Variants in CLCC1 observed in about 807,000 individuals in gnomAD.
CLCC1 encodes chloride channel CLIC-like protein 1.
In CLCC1, 39 loss-of-function variants were observed where a neutral mutation model predicts 63.3. The observed-to-expected ratio is 0.62, with a 90% CI of 0.48 to 0.81. The LOEUF is 0.81. CLCC1 is among the 30% of genes least tolerant of loss of function. CLCC1 has a pLI of 0.00. For missense variants in CLCC1, 549 were observed against 669.4 expected, an observed-to-expected ratio of 0.82 and a Z score of 1.98; for synonymous variants, 217 against 239.8, an observed-to-expected ratio of 0.90 and a Z score of 0.88.
chr1:108,950,578 G>A, intron 2 of CLCC1, 130 bp from the exon 3 acceptor site: 1 of 418,062 alleles, frequency 2.4e-6, no homozygotes. Flanking sequence ...CTGGAGTACA[G>A]TGATACAATC....
In CLCC1 at chr1:108,934,664, G is replaced by A. The variant is rs777791639; in HGVS notation, c.*6C>T. 9.9e-6 allele frequency: 16 copies of A among 1,610,302 alleles called. No homozygotes were observed. The highest frequency in any genetic ancestry group is 1.3e-5 in the Non-Finnish European group (15 of 1,177,974). On this transcript the variant is annotated 3_prime_UTR_variant, in exon 12 of 13. Coordinates refer to ENST00000369969, the MANE Select transcript of CLCC1 (RefSeq NM_001377458.1). ...ACTTGAGGCTGTCGTTTGTGCTGGTGTTCCTCTAGCCACAGGGGCTGCTGA... is the reference window on the plus strand; with the variant it reads ...ACTTGAGGCTGTCGTTTGTGCTGGTATTCCTCTAGCCACAGGGGCTGCTGA...
chr1:108,943,295 G>A (rs1486759003), intron 7 of CLCC1, among the ~76,000 whole-genome samples, 180 bp downstream of exon 7: 3 of 152,116 alleles, frequency 2.0e-5, no homozygotes, highest in African/African-American at 7.2e-5. Context: ...CCCACTAACT[G>A]GTCAAGGAAT....
At position 108,931,235 on chromosome 1, in the gene CLCC1, A is replaced by G; in HGVS notation, c.*1312T>C. ...ATAAACAAACAGAAAACAGATGAAA[A>G]CTCACAAAAATTAAATATGAAAGAA... On this transcript the variant is annotated 3_prime_UTR_variant, in exon 13 of 13. Coordinates refer to ENST00000369969, the MANE Select transcript of CLCC1 (RefSeq NM_001377458.1). The G allele has an allele frequency of 7.2e-7, 1 of 1,390,704 alleles. No homozygotes were observed. Among genetic ancestry groups the G allele is most frequent in the East Asian group, 2.5e-5 (1 of 39,564 alleles). 86.1% of individuals were successfully genotyped at this position (1,390,704 alleles called of 1,614,324 possible).
At chr1:108,945,352 C>T (rs1654405267) in intron 5 of CLCC1, among the ~76,000 whole-genome samples, 1 of 152,120 alleles carries the variant, frequency 6.6e-6, no homozygotes, top group South Asian at 2.1e-4. Flanking sequence ...CACCCCTCTC[C>T]CCTCAAAAAA....
At chr1:108,942,275 T>C (rs1000513330) in intron 7 of CLCC1, among the ~76,000 whole-genome samples, 1 of 152,124 alleles carries the variant, frequency 6.6e-6, no homozygotes, top group East Asian at 1.9e-4. Flanking sequence ...GTTCTAGCCA[T>C]ACAAATTAAA....
At chr1:108,945,852 CCT>C (rs1288084683) in intron 5 of CLCC1, among the ~76,000 whole-genome samples, 2 of 152,144 alleles carry the variant, frequency 1.3e-5, no homozygotes, top group Non-Finnish European at 2.9e-5. Flanking sequence ...AAATAAAATT[CCT>C]TTTTCTTTTA....
intron 2 of CLCC1, among the ~76,000 whole-genome samples, chr1:108,960,638 A>T (rs979162468): frequency 3.3e-5 from 5 of 152,234 alleles, no homozygotes; most frequent in Non-Finnish European, 7.3e-5. Flanking sequence ...ATGAATGAAG[A>T]TGGATGAAGA....
At chr1:108,963,232 G>A (rs1194384365) in intron 1 of CLCC1, 129 bp downstream of exon 1, 2 of 584,832 alleles carry the variant, frequency 3.4e-6, no homozygotes, top group South Asian at 1.9e-5. Context: ...CAGCTAGCAC[G>A]GTCCCCGCCC....
intron 2 of CLCC1, among the ~76,000 whole-genome samples, chr1:108,952,017 A>G (rs937958950): frequency 2.6e-5 from 4 of 152,104 alleles, no homozygotes; most frequent in African/African-American, 7.2e-5. Context: ...GGCTCAAGCT[A>G]TCCTCCCACC....
At chr1:108,939,973 A>G in intron 9 of CLCC1, 72 bp downstream of exon 9, 1 of 1,341,656 alleles carries the variant, frequency 7.5e-7, no homozygotes, top group Non-Finnish European at 1.0e-6. Context: ...AATGACTCAA[A>G]CACTAAAGTT....
In CLCC1 at chr1:108,937,174, T is replaced by TC; in HGVS notation, c.1285dup (p.Asp429GlyfsTer12). ...CTTGTTGCCAGTCTGAAATCTCAAG[T>TC]CAACATCTCTCTCTCTCAAAATCTC... On this transcript the variant is annotated frameshift_variant, in exon 11 of 13. Coordinates refer to ENST00000369969, the MANE Select transcript of CLCC1 (RefSeq NM_001377458.1). LOFTEE classifies it high-confidence loss of function. 1 of 1,587,370 alleles carries TC rather than the reference T, an allele frequency of 6.3e-7. No homozygotes were observed. The highest frequency in any genetic ancestry group is 1.4e-5 in the African/African-American group (1 of 73,846).
At chr1:108,947,771 G>A in intron 4 of CLCC1, 53 bp from the exon 5 acceptor site, 3 of 1,249,460 alleles carry the variant, frequency 2.4e-6, no homozygotes, top group Non-Finnish European at 3.4e-6. Flanking sequence ...ATAATATAAG[G>A]GTTAAGTTTC....
intron 10 of CLCC1, among the ~76,000 whole-genome samples, chr1:108,937,970 A>C (rs1363735357): frequency 6.6e-6 from 1 of 152,150 alleles, no homozygotes; most frequent in African/African-American, 2.4e-5. Flanking sequence ...GATCTATGAG[A>C]TCAAAACTTT....
At chr1:108,959,366 A>G (rs999528201) in intron 2 of CLCC1, among the ~76,000 whole-genome samples, 22 of 152,002 alleles carry the variant, frequency 1.4e-4, no homozygotes, top group African/African-American at 5.3e-4. Context: ...AAGAAAAAAA[A>G]AAATTAAAGA....
Position 108,929,573 on chromosome 1 carries a change from G to A in CLCC1, c.*2974C>T, listed in dbSNP as rs1276024044. 1 of 792,176 alleles carries A rather than the reference G, an allele frequency of 1.3e-6. No individual in the cohort carries two copies. The highest frequency in any genetic ancestry group is 2.2e-6 in the Non-Finnish European group (1 of 464,424). The allele number at this position is 792,176 out of a possible 1,614,324, so 49.1% of individuals were successfully genotyped here. A position where few individuals can be genotyped will look rare whatever the true frequency, so the allele number is the denominator to read the frequency against. On this transcript the variant is annotated 3_prime_UTR_variant, in exon 13 of 13. Transcript: ENST00000369969. The stretch of plus-strand genomic sequence containing the variant: ...CTAAAGAGAACAATATAAAAACAAA[G>A]ATTAATTTCTGAGAAGCCCCAAATA...
At chr1:108,949,288 A>G (rs1220409860) in intron 4 of CLCC1, among the ~76,000 whole-genome samples, 1 of 152,202 alleles carries the variant, frequency 6.6e-6, no homozygotes, top group Non-Finnish European at 1.5e-5. Context: ...GGTGGCTCCC[A>G]CAGCACATAA....
intron 2 of CLCC1, among the ~76,000 whole-genome samples, chr1:108,957,456 C>G (rs1474348618): frequency 6.6e-6 from 1 of 151,524 alleles, no homozygotes; most frequent in Non-Finnish European, 1.5e-5. Flanking sequence ...AAATGACCAC[C>G]TGGAAGGCCA....
intron 2 of CLCC1, among the ~76,000 whole-genome samples, chr1:108,959,317 G>A (rs1022226185): frequency 5.3e-5 from 8 of 151,494 alleles, no homozygotes; most frequent in South Asian, 4.1e-4. Flanking sequence ...GCACACCACC[G>A]TACTCCAGCC....
At chr1:108,936,593 A>AACTT (rs1201252346) in intron 11 of CLCC1, among the ~76,000 whole-genome samples, 1 of 152,160 alleles carries the variant, frequency 6.6e-6, no homozygotes, top group Non-Finnish European at 1.5e-5. Flanking sequence ...AATGGTGAAA[A>AACTT]ACTTCTTCTT....
Sources: allele counts gnomAD v4.1 joint callset (sites outside exome capture counted in the v4.1 genomes callset), GRCh38; gene constraint gnomAD v4.1.1; transcripts MANE v1.5; gene names NCBI Gene and HGNC (gene_info 2026-07-23, HGNC 2026-07-21).